Variants in CSNK1G1 observed in about 807,000 individuals in gnomAD.
CSNK1G1 encodes casein kinase 1 gamma 1, also known as casein kinase I isoform gamma-1.
In CSNK1G1, 22 loss-of-function variants were observed where a neutral mutation model predicts 59.6. That is an observed-to-expected ratio of 0.37 (90% CI 0.26 to 0.53). CSNK1G1 has a LOEUF of 0.53. Ranked by LOEUF, CSNK1G1 falls within the 20% of genes least tolerant of loss-of-function variation. The pLI is 0.89. For synonymous variants in CSNK1G1, 179 were observed against 177.1 expected (o/e 1.01, Z -0.08); for missense variants, 384 against 519.5 (o/e 0.74, Z 2.54).
chr15:64,204,386 T>C (rs1372827197), intron 9 of CSNK1G1, 55 bp downstream of exon 9: 31 of 1,416,824 alleles, frequency 2.2e-5, no homozygotes, highest in Non-Finnish European at 2.7e-5. Flanking sequence ...GAGGCAGTGC[T>C]GGTTGGAGAA....
chr15:64,322,586 G>A (rs1316380266), intron 1 of CSNK1G1, among the ~76,000 whole-genome samples: 1 of 152,028 alleles, frequency 6.6e-6, no homozygotes, highest in Non-Finnish European at 1.5e-5. Flanking sequence ...AGGCCAAGAT[G>A]GGTTGATCCC....
Position 64,329,116 on chromosome 15 carries a change from G to A in CSNK1G1, c.-225+26872C>T, listed in dbSNP as rs961595478. Among the ~76,000 whole-genome samples, 190 of 151,296 alleles carry A rather than the reference G, an allele frequency of 1.3e-3. 1 individual carries two copies. The highest frequency in any genetic ancestry group is 4.4e-3 in the South Asian group (21 of 4,764). On this transcript the variant is annotated intron_variant, in intron 1 of 11. Transcript: ENST00000303052. ...TACTGTCAACATTAGACAGATCAAC[G>A]AGACAGAAAGTCAACAAGGATACCC... is the stretch of plus-strand genomic sequence containing the variant.
At chr15:64,231,434 T>C (rs1056710308) in intron 4 of CSNK1G1, among the ~76,000 whole-genome samples, 3 of 147,302 alleles carry the variant, frequency 2.0e-5, no homozygotes, top group Non-Finnish European at 3.0e-5. Flanking sequence ...TATATTAGGA[T>C]ATATATATAT....
intron 10 of CSNK1G1, among the ~76,000 whole-genome samples, chr15:64,198,136 T>C (rs1409070050): frequency 1.3e-5 from 2 of 151,884 alleles, no homozygotes; most frequent in South Asian, 2.1e-4. Flanking sequence ...ATTTGGCTTA[T>C]CTACTTGTCA....
At chr15:64,301,324 T>G (rs999275488) in intron 1 of CSNK1G1, among the ~76,000 whole-genome samples, 1 of 148,584 alleles carries the variant, frequency 6.7e-6, no homozygotes, top group African/African-American at 2.5e-5. Flanking sequence ...AATGACAGAG[T>G]GCCAAAAAGA....
chr15:64,168,432 G>A lies in CSNK1G1; in HGVS notation c.*3499C>T, dbSNP rs2081627506. ...GACACAAGTGATACCCTGGTCAAAA[G>A]GGAGTAGGGGGGACCATTTATGCCT... On this transcript the variant is annotated 3_prime_UTR_variant, in exon 12 of 12. Coordinates refer to ENST00000303052, the MANE Select transcript of CSNK1G1 (RefSeq NM_022048.5). 1 of 152,280 alleles carries A rather than the reference G, an allele frequency of 6.6e-6. No individual in the cohort carries two copies. Among genetic ancestry groups the A allele is most frequent in the Non-Finnish European group, 1.5e-5 (1 of 68,054 alleles). The allele number at this position is 152,280 out of a possible 1,614,324, so 9.4% of individuals were successfully genotyped here.
At chr15:64,334,723 G>C (rs950207425) in intron 1 of CSNK1G1, among the ~76,000 whole-genome samples, 1 of 152,060 alleles carries the variant, frequency 6.6e-6, no homozygotes, top group Non-Finnish European at 1.5e-5. Context: ...GGTGGCGCTC[G>C]GGCAGTAATG....
At position 64,210,258 on chromosome 15, in the gene CSNK1G1, A is replaced by G. The variant is rs534675222; in HGVS notation, c.680-2664T>C. Among the ~76,000 whole-genome samples, 32 of 152,316 alleles carry G rather than the reference A, an allele frequency of 2.1e-4. No individual in the cohort carries two copies. The highest frequency in any genetic ancestry group is 6.3e-4 in the African/African-American group (26 of 41,588). On this transcript the variant is annotated intron_variant, in intron 6 of 11. Coordinates refer to ENST00000303052, the MANE Select transcript of CSNK1G1 (RefSeq NM_022048.5). The surrounding 1 kb of genome is among the most constrained non-coding windows in gnomAD (Gnocchi z 4.2). The stretch of plus-strand genomic sequence containing the variant: ...ACCTACTTTGGGTCTCAGTTTCCTC[A>G]TCTGAAAATAAAGTGTTCAATCTGG...
chr15:64,253,377 C>G (rs1269221996), intron 3 of CSNK1G1, among the ~76,000 whole-genome samples: 2 of 152,108 alleles, frequency 1.3e-5, no homozygotes, highest in African/African-American at 2.4e-5. Flanking sequence ...AGCTCAACAT[C>G]TGCACACCCA....
intron 10 of CSNK1G1, among the ~76,000 whole-genome samples, chr15:64,202,022 C>A (rs1373949521): frequency 1.3e-5 from 2 of 152,002 alleles, no homozygotes; most frequent in African/African-American, 4.8e-5. Flanking sequence ...TACATAAGCC[C>A]TTTTTAAAAA....
intron 1 of CSNK1G1, among the ~76,000 whole-genome samples, chr15:64,305,078 T>C (rs184006882): frequency 5.9e-5 from 9 of 152,306 alleles, no homozygotes; most frequent in Non-Finnish European, 1.2e-4. Context: ...TTAAATTATG[T>C]TGGTCAACGA....
rs369037454 is a variant in CSNK1G1, at chr15:64,233,356, CTCTT to C, written c.293-16647_293-16644del. On this transcript the variant is annotated intron_variant, in intron 4 of 11. Coordinates refer to ENST00000303052, the MANE Select transcript of CSNK1G1 (RefSeq NM_022048.5). ...GGAAAAGGACAGATTCTCTCTCTCT[CTCTT>C]TCTCTCTTTTTTTTACATTTTCCTT... Among the ~76,000 whole-genome samples, 596 of 139,138 alleles carry C rather than the reference CTCTT, an allele frequency of 4.3e-3. 2 individuals carry two copies. Among genetic ancestry groups the C allele is most frequent in the East Asian group, 8.7e-3 (45 of 5,180 alleles). 91.3% of individuals were successfully genotyped at this position (139,138 alleles called of 152,430 possible). A position where few individuals can be genotyped will look rare whatever the true frequency, so the allele number is the denominator to read the frequency against.
intron 1 of CSNK1G1, among the ~76,000 whole-genome samples, chr15:64,318,985 G>C (rs1341664204): frequency 6.6e-6 from 1 of 151,560 alleles, no homozygotes; most frequent in Admixed American, 6.6e-5. Flanking sequence ...TGAGTAGCTG[G>C]AACTACAGGC....
intron 10 of CSNK1G1, among the ~76,000 whole-genome samples, chr15:64,183,039 C>G (rs986215650): frequency 1.3e-5 from 2 of 152,110 alleles, no homozygotes; most frequent in Admixed American, 6.6e-5. Flanking sequence ...TTACAGGAAA[C>G]ATAGTAAGTT....
At chr15:64,351,795 C>T (rs2140495337) in intron 1 of CSNK1G1, among the ~76,000 whole-genome samples, 1 of 152,258 alleles carries the variant, frequency 6.6e-6, no homozygotes, top group East Asian at 1.9e-4. Flanking sequence ...AGGAGGGGCG[C>T]TTGAACCTGA....
intron 10 of CSNK1G1, among the ~76,000 whole-genome samples, chr15:64,197,957 GC>G (rs1010887281): frequency 2.6e-5 from 4 of 151,770 alleles, no homozygotes; most frequent in Non-Finnish European, 4.4e-5. Context: ...TGCTTGGAAT[GC>G]CTCTTCCATC....
intron 10 of CSNK1G1, among the ~76,000 whole-genome samples, chr15:64,195,275 C>A: frequency 6.6e-6 from 1 of 152,196 alleles, no homozygotes. Context: ...CAATATGACT[C>A]TCTCCACTGT....
intron 1 of CSNK1G1, among the ~76,000 whole-genome samples, chr15:64,314,915 G>A (rs190876324): frequency 1.3e-5 from 2 of 152,234 alleles, no homozygotes; most frequent in East Asian, 1.9e-4. Flanking sequence ...CTTGGCTATT[G>A]TGAATAATGC....
At position 64,171,624 on chromosome 15, in the gene CSNK1G1, G is replaced by A; in HGVS notation, c.*307C>T. ...GAAGAAGGAGAATAGCAGTCCTTGAGTTTTTGTGAATGACACCTTCACTGT... is the reference window on the plus strand; with the variant it reads ...GAAGAAGGAGAATAGCAGTCCTTGAATTTTTGTGAATGACACCTTCACTGT... On this transcript the variant is annotated 3_prime_UTR_variant, in exon 12 of 12. Transcript: ENST00000303052. The surrounding 1 kb of genome is among the most constrained non-coding windows in gnomAD (Gnocchi z 4.8). 1 of 433,230 alleles carries A rather than the reference G, an allele frequency of 2.3e-6. No homozygotes were observed. The highest frequency in any genetic ancestry group is 4.2e-6 in the Non-Finnish European group (1 of 238,180). 26.8% of individuals were successfully genotyped at this position (433,230 alleles called of 1,614,324 possible).
Sources: allele counts gnomAD v4.1 joint callset (sites outside exome capture counted in the v4.1 genomes callset), GRCh38; gene constraint gnomAD v4.1.1; non-coding constraint Gnocchi (gnomAD v3.1); transcripts MANE v1.5; gene names NCBI Gene and HGNC (gene_info 2026-07-23, HGNC 2026-07-21).